DSC1: variants seen among roughly 807,000 people sequenced by gnomAD.
DSC1 encodes desmocollin 1.
Under a neutral mutation model 98.8 loss-of-function variants are expected in DSC1, and 79 were observed. That is an observed-to-expected ratio of 0.80 (90% CI 0.67 to 0.96). The LOEUF is 0.96. Ranked by LOEUF, DSC1 falls within the 50% of genes least tolerant of loss-of-function variation. The probability of loss-of-function intolerance (pLI) is 0.00; values close to 1 mark genes in which losing one functional copy is unlikely to be tolerated. For missense variants in DSC1, 1,115 were observed against 1,075.9 expected (o/e 1.04, Z -0.51); for synonymous variants, 405 against 372.1 (o/e 1.09, Z -1.02).
chr18:31,143,380 A>C (rs1401974829), intron 8 of DSC1, among the ~76,000 whole-genome samples: 1 of 146,720 alleles, frequency 6.8e-6, no homozygotes, highest in African/African-American at 2.6e-5. Flanking sequence ...CACCAAAAAA[A>C]TAAAATAAAA....
intron 5 of DSC1, among the ~76,000 whole-genome samples, chr18:31,150,410 A>ACCACCATCAT (rs1348998051): frequency 1.2e-3 from 1 of 802 alleles, no homozygotes. Context: ...CACCACCACC[A>ACCACCATCAT]CATCATCACT....
At chr18:31,132,048 T>C in intron 14 of DSC1, 2 of 608,310 alleles carry the variant, frequency 3.3e-6, no homozygotes, top group Non-Finnish European at 5.7e-6. Context: ...TAACTCAGAA[T>C]GTGAACTTAT....
intron 13 of DSC1, 45 bp from the exon 14 acceptor site, chr18:31,132,734 T>C: frequency 6.4e-7 from 1 of 1,552,356 alleles, no homozygotes; most frequent in Non-Finnish European, 8.7e-7. Flanking sequence ...CATTAAATCA[T>C]TTGATTACAT....
Position 31,159,425 on chromosome 18 carries a change from C to T in DSC1, c.148+20G>A, listed in dbSNP as rs2143936131. ...AATGTGACAAGTTACAGCTATGAAA[C>T]TGTTAATAGTGTTTCTCACCTTTGC... On this transcript the variant is annotated intron_variant, in intron 2 of 15. Transcript: ENST00000257198. 1 of 1,607,044 alleles carries T rather than the reference C, an allele frequency of 6.2e-7. No individual in the cohort carries two copies. Among genetic ancestry groups the T allele is most frequent in the East Asian group, 2.2e-5 (1 of 44,746 alleles).
rs1305908708 is a variant in DSC1 at position 31,150,258 on chromosome 18, CCAT to C, written c.628-1619_628-1617del. Among the ~76,000 whole-genome samples, 11 of 124,930 alleles carry C rather than the reference CCAT, an allele frequency of 8.8e-5. 1 individual carries two copies. Among genetic ancestry groups the C allele is most frequent in the East Asian group, 3.9e-4 (1 of 2,592 alleles). 82.0% of individuals were successfully genotyped at this position (124,930 alleles called of 152,430 possible). On this transcript the variant is annotated intron_variant, in intron 5 of 15. Transcript: ENST00000257198. ...ATCATCACCACCACTACCACCACCACCATCATCATCACCACTACCATCACCACC... is the reference window on the plus strand; with the variant it reads ...ATCATCACCACCACTACCACCACCACCATCATCACCACTACCATCACCACC...
intron 1 of DSC1, among the ~76,000 whole-genome samples, chr18:31,160,622 A>C (rs989618481): frequency 1.3e-5 from 2 of 152,174 alleles, no homozygotes; most frequent in African/African-American, 2.4e-5. Flanking sequence ...ATTTAGTCCT[A>C]ATTTAAAAAC....
At chr18:31,141,938 T>C in intron 9 of DSC1, 61 bp downstream of exon 9, 1 of 1,497,366 alleles carries the variant, frequency 6.7e-7, no homozygotes, top group East Asian at 2.3e-5. Context: ...GAATTATCTC[T>C]TAAAATCAGT....
intron 1 of DSC1, 128 bp downstream of exon 1, chr18:31,162,404 G>A: frequency 1.2e-6 from 1 of 845,684 alleles, no homozygotes; most frequent in Admixed American, 2.1e-5. Flanking sequence ...CCTCAGATCT[G>A]CTTTTGTTTT....
Position 31,140,140 on chromosome 18 carries a change from T to C in DSC1, c.1422A>G (p.Pro474=). The C allele has an allele frequency of 6.2e-7, 1 of 1,614,028 alleles. No homozygotes were observed. The highest frequency in any genetic ancestry group is 8.5e-7 in the Non-Finnish European group (1 of 1,179,934). ...CATCTTGACTCTGAATAACTTTCAC[T>C]GGAGGGTGGCATTCAGGGCCCTCAT... ...DSDEGPECHP[P]VKVIQSQDGF... The change falls in exon 10 of 16, where the codon CCA becomes CCG. Residue 474 remains proline (P), a synonymous_variant. Transcript: ENST00000257198.
At chr18:31,137,965 A>ATGTGTGTGTGTG (rs201493651) in intron 11 of DSC1, among the ~76,000 whole-genome samples, 7 of 141,630 alleles carry the variant, frequency 4.9e-5, no homozygotes, top group Non-Finnish European at 7.7e-5. Flanking sequence ...TCAGAGCAAA[A>ATGTGTGTGTGTG]TGTGTGTGTG....
chr18:31,150,043 TCACCAC>T (rs113864964), intron 5 of DSC1, among the ~76,000 whole-genome samples: 2 of 93,414 alleles, frequency 2.1e-5, no homozygotes, highest in Admixed American at 9.2e-5. Context: ...ACCATCATCA[TCACCAC>T]CACCACCACC....
At chr18:31,132,457 G>A (rs1988514812) in intron 14 of DSC1, 111 bp downstream of exon 14, 1 of 1,444,632 alleles carries the variant, frequency 6.9e-7, no homozygotes, top group Non-Finnish European at 9.4e-7. Flanking sequence ...ACTCTGCTTA[G>A]CATAGTAAGT....
intron 7 of DSC1, among the ~76,000 whole-genome samples, chr18:31,144,935 TC>T (rs376786623): frequency 0.22 from 29,438 of 132,070 alleles, 4,665 homozygotes; most frequent in East Asian, 0.51. Context: ...ATTTTCTTTT[TC>T]TTTCTTTTTT....
Position 31,145,710 on chromosome 18 carries a change from T to A in DSC1, c.840A>T (p.Lys280Asn), listed in dbSNP as rs764248857. The stretch of plus-strand genomic sequence containing the variant: ...CTGGGATTTGTTGTAAGATTTTATA[T>A]TTCAGACGAGTATGGAGAGTGTCAG... ...DEPDTLHTRL[K>N]YKILQQIPDH... Residue 280 changes from lysine to asparagine, a missense_variant, in exon 7 of 16, where the codon AAA becomes AAT. Lys to Asn is a moderately conservative substitution (Grantham distance 94). Coordinates refer to ENST00000257198, the MANE Select transcript of DSC1 (RefSeq NM_024421.2). 2 of 1,614,214 alleles carry A rather than the reference T, an allele frequency of 1.2e-6. No individual in the cohort carries two copies. Among genetic ancestry groups the A allele is most frequent in the Non-Finnish European group, 1.7e-6 (2 of 1,180,032 alleles).
intron 5 of DSC1, among the ~76,000 whole-genome samples, chr18:31,152,246 G>A (rs771627118): frequency 1.3e-5 from 2 of 152,024 alleles, no homozygotes; most frequent in Non-Finnish European, 2.9e-5. Flanking sequence ...GCAGATTGAA[G>A]CTAACTTTTC....
At chr18:31,158,096 A>G (rs6506889) in intron 2 of DSC1, among the ~76,000 whole-genome samples, 84,975 of 151,828 alleles carry the variant, frequency 0.56, 24,060 homozygotes, top group East Asian at 0.66. Context: ...GTGAAACTCC[A>G]TCTCTACTAA....
intron 5 of DSC1, among the ~76,000 whole-genome samples, chr18:31,150,228 C>T (rs965559284): frequency 3.7e-4 from 54 of 144,282 alleles, no homozygotes; most frequent in African/African-American, 1.4e-3. Flanking sequence ...ACCACCACTA[C>T]CACCATCATC....
rs1474174896 is a variant in DSC1, at chr18:31,129,597, T to C, written c.*917A>G. On this transcript the variant is annotated 3_prime_UTR_variant, in exon 16 of 16. Transcript: ENST00000257198. ...CAGCCTAATGCATCAGGGCTAGTTGTCCAAATGCTTGGAGATGGCAGGTGG... is the reference window on the plus strand; with the variant it reads ...CAGCCTAATGCATCAGGGCTAGTTGCCCAAATGCTTGGAGATGGCAGGTGG... The C allele has an allele frequency of 6.6e-6, 1 of 152,178 alleles. No homozygotes were observed. The highest frequency in any genetic ancestry group is 2.4e-5 in the African/African-American group (1 of 41,422). 9.4% of individuals were successfully genotyped at this position (152,178 alleles called of 1,614,324 possible).
At chr18:31,136,544 G>T (rs1026260961) in intron 11 of DSC1, among the ~76,000 whole-genome samples, 2 of 152,152 alleles carry the variant, frequency 1.3e-5, no homozygotes, top group African/African-American at 4.8e-5. Context: ...TGATTTAAAT[G>T]GAAGGCAATC....
Sources: gnomAD v4.1 joint callset for allele counts (sites outside exome capture counted in the v4.1 genomes callset) on GRCh38, gnomAD v4.1.1 for gene constraint, MANE v1.5 for transcripts, NCBI Gene and HGNC (gene_info 2026-07-23, HGNC 2026-07-21) for gene names.